The following MYB variants were observed in gnomAD, a reference collection of about 807,000 sequenced individuals.
MYB encodes transcriptional activator Myb.
Under a neutral mutation model 92.9 loss-of-function variants are expected in MYB, and 28 were observed. That is an observed-to-expected ratio of 0.30 (90% CI 0.22 to 0.41). The LOEUF is 0.41. MYB is among the 10% of genes least tolerant of loss of function. The pLI is 1.00. For missense variants in MYB, 679 were observed against 929.3 expected, an observed-to-expected ratio of 0.73 and a Z score of 3.50; for synonymous variants, 295 against 329.1, an observed-to-expected ratio of 0.90 and a Z score of 1.12.
At position 135,195,810 on chromosome 6, in the gene MYB, ACCT is replaced by A; in HGVS notation, c.1013_1015del (p.Pro338del). 1 of 1,614,028 alleles carries A rather than the reference ACCT, an allele frequency of 6.2e-7. No homozygotes were observed. The highest frequency in any genetic ancestry group is 8.5e-7 in the Non-Finnish European group (1 of 1,179,994). On this transcript the variant is annotated inframe_deletion, in exon 9 of 16. Coordinates refer to ENST00000341911, the MANE Select transcript of MYB (RefSeq NM_001130173.2). The stretch of plus-strand genomic sequence containing the variant: ...GCACCACCATTGCCGACCACACCAG[ACCT>A]CATGGAGACAGTGCACCTGTTTCCT...
chr6:135,202,998 GC>G (rs1429554796), intron 14 of MYB: 2 of 701,780 alleles, frequency 2.8e-6, no homozygotes, highest in Non-Finnish European at 5.2e-6. Context: ...TCCCAAAGGA[GC>G]TTTGTGTTGT....
At position 135,187,828 on chromosome 6, in the gene MYB, T is replaced by C. The variant is rs1262538640; in HGVS notation, c.142-6T>C. On this transcript the variant is annotated splice_region_variant and splice_polypyrimidine_tract_variant and intron_variant, in intron 2 of 15. Transcript: ENST00000341911. ...GATATCCTAGGATTACCTTTAAATGTCTTAGGATGAAAAACTGAAGAAGCT... is the reference window on the plus strand; with the variant it reads ...GATATCCTAGGATTACCTTTAAATGCCTTAGGATGAAAAACTGAAGAAGCT... The C allele has an allele frequency of 1.3e-6, 2 of 1,598,832 alleles. No individual in the cohort carries two copies. Among genetic ancestry groups the C allele is most frequent in the Admixed American group, 3.4e-5 (2 of 59,278 alleles).
At chr6:135,184,342 T>TC in intron 1 of MYB, among the ~76,000 whole-genome samples, 1 of 150,552 alleles carries the variant, frequency 6.6e-6, no homozygotes, top group African/African-American at 2.5e-5. Context: ...TTTTTTTTTT[T>TC]TTTGCTTTAT....
intron 8 of MYB, chr6:135,195,517 A>G (rs1777178549): frequency 1.9e-6 from 1 of 516,544 alleles, no homozygotes; most frequent in East Asian, 2.9e-5. Flanking sequence ...TTTTTACAAA[A>G]TGATAACAAG....
chr6:135,216,205 G>T (rs1780410462), intron 15 of MYB, among the ~76,000 whole-genome samples: 1 of 152,136 alleles, frequency 6.6e-6, no homozygotes, highest in Non-Finnish European at 1.5e-5. Flanking sequence ...GTTCCTTAGT[G>T]TCCATGGGGG....
At chr6:135,184,277 A>G (rs1775594688) in intron 1 of MYB, among the ~76,000 whole-genome samples, 1 of 144,754 alleles carries the variant, frequency 6.9e-6, no homozygotes, top group African/African-American at 2.5e-5. Context: ...GGAGTTCCCT[A>G]TGAATCTTTC....
Position 135,201,744 on chromosome 6 carries a change from G to T in MYB, c.2056G>T (p.Ala686Ser), listed in dbSNP as rs1778122525. The T allele has an allele frequency of 6.8e-7, 1 of 1,480,556 alleles. No individual in the cohort carries two copies. Among genetic ancestry groups the T allele is most frequent in the Admixed American group, 2.1e-5 (1 of 47,080 alleles). 91.7% of individuals were successfully genotyped at this position (1,480,556 alleles called of 1,614,324 possible). A position where few individuals can be genotyped will look rare whatever the true frequency, so the allele number is the denominator to read the frequency against. ...CACGCAGACCTCGCCTGTGGCAGATGCACCGGTAAGTACGTGTGCACCAGC... is the reference window on the plus strand; with the variant it reads ...CACGCAGACCTCGCCTGTGGCAGATTCACCGGTAAGTACGTGTGCACCAGC... ...LFTQTSPVAD[A>S]PNILTSSVLM... The change falls in exon 14 of 16, where the codon GCA becomes TCA. Residue 686 changes from alanine (A) to serine (S), a missense_variant. Ala to Ser is a moderately conservative substitution (Grantham distance 99, BLOSUM62 1). Coordinates refer to ENST00000341911, the MANE Select transcript of MYB (RefSeq NM_001130173.2).
At chr6:135,183,763 T>G (rs980802918) in intron 1 of MYB, among the ~76,000 whole-genome samples, 1 of 152,206 alleles carries the variant, frequency 6.6e-6, no homozygotes, top group African/African-American at 2.4e-5. Context: ...ACTCTCCACC[T>G]TGCCCCCAAG....
At chr6:135,201,618 G>A in intron 13 of MYB, 21 bp from the exon 14 acceptor site, 1 of 1,552,538 alleles carries the variant, frequency 6.4e-7, no homozygotes, top group Non-Finnish European at 8.9e-7. Context: ...AAACAACAAA[G>A]CACTTTCTAT....
Position 135,181,508 on chromosome 6 carries a change from C to A in MYB, c.-6C>A. On this transcript the variant is annotated 5_prime_UTR_variant, in exon 1 of 16. Transcript: ENST00000341911. The surrounding 1 kb of genome is among the most constrained non-coding windows in gnomAD (Gnocchi z 5.3). ...GCTCTCGGCGGAGCCCCGCGCCCGC[C>A]GCGCCATGGCCCGAAGACCCCGGCA... is the stretch of plus-strand genomic sequence containing the variant. The A allele has an allele frequency of 8.7e-7, 1 of 1,144,946 alleles. No homozygotes were observed. The highest frequency in any genetic ancestry group is 4.3e-5 in the South Asian group (1 of 23,478). 70.9% of individuals were successfully genotyped at this position (1,144,946 alleles called of 1,614,324 possible).
chr6:135,213,546 G>A (rs1324520747), intron 15 of MYB, among the ~76,000 whole-genome samples: 1 of 152,178 alleles, frequency 6.6e-6, no homozygotes, highest in Non-Finnish European at 1.5e-5. Flanking sequence ...TCGACTTTGG[G>A]AATTCTGAGT....
At chr6:135,203,393 G>A (rs542522312) in intron 15 of MYB, 69 bp downstream of exon 15, 1 of 1,253,948 alleles carries the variant, frequency 8.0e-7, no homozygotes, top group Admixed American at 1.8e-5. Flanking sequence ...TGGTGGTGGT[G>A]GTGGTGGTGG....
intron 15 of MYB, among the ~76,000 whole-genome samples, chr6:135,214,678 A>G (rs1048152446): frequency 1.3e-5 from 2 of 152,236 alleles, no homozygotes; most frequent in Non-Finnish European, 2.9e-5. Flanking sequence ...AGTAGTCACT[A>G]TTAAATGTCA....
chr6:135,202,700 A>G (rs564965105), intron 14 of MYB: 9 of 298,688 alleles, frequency 3.0e-5, no homozygotes, highest in South Asian at 1.2e-4. Flanking sequence ...TATTATGTCA[A>G]CTGGAAAACA....
In MYB at chr6:135,200,121, A is replaced by T. The variant is rs1299620822; in HGVS notation, c.1746A>T (p.Glu582Asp). ...CAGCTATCAAAAGGTCAATCTTAGAAAGCTCTCCAAGAACTCCTACACCAT... is the reference window on the plus strand; with the variant it reads ...CAGCTATCAAAAGGTCAATCTTAGATAGCTCTCCAAGAACTCCTACACCAT... ...RTPAIKRSIL[E>D]SSPRTPTPFK... Residue 582 changes from glutamate (E) to aspartate (D), a missense_variant, in exon 12 of 16, where the codon GAA (glutamate) becomes GAT (aspartate). Physicochemically the swap from Glu to Asp is conservative, Grantham distance 45. This residue lies in a region of MYB where 402 missense variants were observed against 434.2 expected (regional missense o/e 0.93). Coordinates refer to ENST00000341911, the MANE Select transcript of MYB (RefSeq NM_001130173.2). The T allele has an allele frequency of 2.5e-6, 4 of 1,614,048 alleles. No homozygotes were observed. The highest frequency in any genetic ancestry group is 3.4e-6 in the Non-Finnish European group (4 of 1,180,022).
Position 135,192,305 on chromosome 6 carries a change from G to T in MYB, c.528-19G>T. 6.3e-7 allele frequency: 1 copy of T among 1,591,598 alleles called. No homozygotes were observed. Among genetic ancestry groups the T allele is most frequent in the Non-Finnish European group, 8.6e-7 (1 of 1,159,496 alleles). On this transcript the variant is annotated intron_variant, in intron 5 of 15. Transcript: ENST00000341911. ...TGAAATTTTTGTTTGTGAAATTTGT[G>T]TGATATATTTCTGTGCAGAACTGAT...
chr6:135,201,502 G>A lies in MYB; in HGVS notation c.1951-137G>A, dbSNP rs117540901. The A allele has an allele frequency of 4.0e-3, 2,045 of 505,014 alleles. 43 individuals carry two copies. The highest frequency in any genetic ancestry group is 0.034 in the East Asian group (1,025 of 30,024). The allele number at this position is 505,014 out of a possible 1,614,324, so 31.3% of individuals were successfully genotyped here. A position where few individuals can be genotyped will look rare whatever the true frequency, so the allele number is the denominator to read the frequency against. On this transcript the variant is annotated intron_variant, in intron 13 of 15. Coordinates refer to ENST00000341911, the MANE Select transcript of MYB (RefSeq NM_001130173.2). ...TTCTTTGTTGAATCCAGAAGATAGA[G>A]CAAATTGAGCTGATAGTGTAAGTTA...
rs535808427 is a variant in MYB at position 135,189,566 on chromosome 6, G to A, written c.214-225G>A. ...GTCCTTTAGATCATGTGGCAGGAAT[G>A]TTTCCCTCAGGAGGCAGAGTGTCTA... On this transcript the variant is annotated intron_variant, in intron 3 of 15. Coordinates refer to ENST00000341911, the MANE Select transcript of MYB (RefSeq NM_001130173.2). 2.6e-5 allele frequency among the ~76,000 whole-genome samples: 4 copies of A among 152,316 alleles called. No individual in the cohort carries two copies. The East Asian group carries it at 7.7e-4, about 29-fold the overall frequency.
intron 13 of MYB, chr6:135,200,695 C>T (rs949305025): frequency 4.7e-6 from 2 of 426,250 alleles, no homozygotes; most frequent in Middle Eastern, 3.4e-4. Flanking sequence ...TACTTTTAAA[C>T]ATTACTGATT....
Sources: gnomAD v4.1 joint callset for allele counts (sites outside exome capture counted in the v4.1 genomes callset) on GRCh38, gnomAD v4.1.1 for gene constraint, gnomAD v4.1.1 regional missense constraint, Gnocchi (gnomAD v3.1) non-coding constraint, MANE v1.5 for transcripts, NCBI Gene and HGNC (gene_info 2026-07-23, HGNC 2026-07-21) for gene names.